The following LAMA1 variants were observed in gnomAD, a reference collection of about 807,000 sequenced individuals.
LAMA1 encodes laminin subunit alpha 1.
Under a neutral mutation model 348.7 loss-of-function variants are expected in LAMA1, and 219 were observed. That is an observed-to-expected ratio of 0.63 (90% confidence interval 0.56 to 0.70). The LOEUF (loss-of-function observed/expected upper bound fraction) is 0.70. Ranked by LOEUF, LAMA1 falls within the 30% of genes least tolerant of loss-of-function variation. The probability of loss-of-function intolerance (pLI) is 0.00; values close to 1 mark genes in which losing one functional copy is unlikely to be tolerated. For synonymous variants in LAMA1, 1,487 were observed against 1,491.0 expected (o/e 1.00, Z 0.06); for missense variants, 3,744 against 3,888.0 (o/e 0.96, Z 0.99).
intron 3 of LAMA1, among the ~76,000 whole-genome samples, chr18:7,063,273 C>G (rs1454202262): frequency 1.3e-5 from 2 of 152,138 alleles, no homozygotes; most frequent in Non-Finnish European, 1.5e-5. Flanking sequence ...TTAGACACAT[C>G]TAACTTCACT....
chr18:7,083,889 G>A lies in LAMA1; in HGVS notation c.62-3432C>T, dbSNP rs569037898. Among the ~76,000 whole-genome samples, 503 of 151,998 alleles carry A rather than the reference G, an allele frequency of 3.3e-3. 2 individuals carry two copies. The highest frequency in any genetic ancestry group is 4.0e-3 in the Non-Finnish European group (275 of 67,984). On this transcript the variant is annotated intron_variant, in intron 1 of 62. Transcript: ENST00000389658. ...AGTTCGAGACCAGCCTGGCCACCAT[G>A]GTAAAACTCCATCTCTACTAAAATT...
Position 7,038,906 on chromosome 18 carries a change from G to C in LAMA1, c.1467C>G (p.Phe489Leu). The change falls in exon 11 of 63, where the codon TTC (phenylalanine) becomes TTG (leucine). Residue 489 changes from phenylalanine to leucine, a missense_variant. By Grantham distance (22) the Phe-to-Leu change is conservative. Transcript: ENST00000389658. ...GKACDRCKPGFYNLKEKNPRG... is the reference protein window; with the variant it reads ...GKACDRCKPGLYNLKEKNPRG... ...GGGGGTTTTTTTCCTTCAAGTTATA[G>C]AATCCTGGCTTGCAGCGATCACAGG... 1 of 1,613,870 alleles carries C rather than the reference G, an allele frequency of 6.2e-7. No homozygotes were observed.
chr18:7,083,634 T>C (rs2058202444), intron 1 of LAMA1, among the ~76,000 whole-genome samples: 1 of 152,172 alleles, frequency 6.6e-6, no homozygotes. Context: ...TAAAACTAAA[T>C]CTTCCTTCTC....
At chr18:6,952,761 G>A (rs1405532785) in intron 57 of LAMA1, among the ~76,000 whole-genome samples, 1 of 151,914 alleles carries the variant, frequency 6.6e-6, no homozygotes, top group Non-Finnish European at 1.5e-5. Flanking sequence ...CACGCCATGG[G>A]AGCCATGTCT....
chr18:7,111,054 T>C (rs1343854294), intron 1 of LAMA1, among the ~76,000 whole-genome samples: 1 of 152,166 alleles, frequency 6.6e-6, no homozygotes, highest in African/African-American at 2.4e-5. Flanking sequence ...TGAGAAAAGA[T>C]GGCACTTTCC....
intron 16 of LAMA1, among the ~76,000 whole-genome samples, chr18:7,029,616 T>C (rs2057959403): frequency 6.6e-6 from 1 of 152,138 alleles, no homozygotes; most frequent in Admixed American, 6.6e-5. Context: ...TACCTGACTG[T>C]CCCTGTTGGT....
At chr18:7,092,191 T>C (rs2058242001) in intron 1 of LAMA1, among the ~76,000 whole-genome samples, 1 of 152,202 alleles carries the variant, frequency 6.6e-6, no homozygotes, top group African/African-American at 2.4e-5. Flanking sequence ...TATAAGCACA[T>C]ATACTTTGAA....
intron 3 of LAMA1, among the ~76,000 whole-genome samples, chr18:7,066,003 C>T (rs2058121441): frequency 6.6e-6 from 1 of 152,198 alleles, no homozygotes; most frequent in Non-Finnish European, 1.5e-5. Context: ...ACTAAGAAGT[C>T]TCTACCTTCA....
chr18:7,008,613 G>A lies in LAMA1; in HGVS notation c.4002-5C>T. 1 of 1,613,820 alleles carries A rather than the reference G, an allele frequency of 6.2e-7. No homozygotes were observed. ...TCCATTGAAATGTCTGAGATTCTGT[G>A]CAGCCATCATGTTAAGAGAGGAAAC... On this transcript the variant is annotated splice_region_variant and splice_polypyrimidine_tract_variant and intron_variant, in intron 27 of 62. Transcript: ENST00000389658.
intron 3 of LAMA1, among the ~76,000 whole-genome samples, chr18:7,066,874 A>G (rs377590188): frequency 1.5e-4 from 23 of 152,366 alleles, no homozygotes; most frequent in Middle Eastern, 3.4e-3. Flanking sequence ...CAAATAATCT[A>G]ATTTTTTGGA....
At chr18:7,033,449 C>G (rs1251716903) in intron 14 of LAMA1, among the ~76,000 whole-genome samples, 1 of 117,348 alleles carries the variant, frequency 8.5e-6, no homozygotes, top group Non-Finnish European at 1.7e-5. Flanking sequence ...GAGGGAGACT[C>G]TGTCTCAAAA....
intron 39 of LAMA1, 114 bp from the exon 40 acceptor site, chr18:6,983,348 T>C: frequency 2.9e-6 from 3 of 1,047,420 alleles, no homozygotes; most frequent in Non-Finnish European, 4.3e-6. Context: ...TTCTTTCCCC[T>C]TAGAAGAGTA....
At chr18:7,011,253 A>G (rs1224378790) in intron 25 of LAMA1, 47 bp downstream of exon 25, 8 of 1,589,216 alleles carry the variant, frequency 5.0e-6, no homozygotes, top group Non-Finnish European at 6.9e-6. Flanking sequence ...CAATTTCTGT[A>G]TATCCTAGGA....
intron 48 of LAMA1, among the ~76,000 whole-genome samples, chr18:6,968,469 C>A (rs1251324954): frequency 6.6e-6 from 1 of 152,212 alleles, no homozygotes; most frequent in Non-Finnish European, 1.5e-5. Context: ...TCCCCTACGC[C>A]ATGAGATGTC....
chr18:7,085,618 C>T (rs1430888708), intron 1 of LAMA1, among the ~76,000 whole-genome samples: 1 of 151,926 alleles, frequency 6.6e-6, no homozygotes, highest in Non-Finnish European at 1.5e-5. Context: ...TGGGGTTTCA[C>T]CACGTTAGCC....
At chr18:6,953,520 G>A (rs1275701532) in intron 57 of LAMA1, among the ~76,000 whole-genome samples, 1 of 152,182 alleles carries the variant, frequency 6.6e-6, no homozygotes, top group Non-Finnish European at 1.5e-5. Flanking sequence ...TGGGGGTCCT[G>A]AACGTATCCC....
At position 6,982,542 on chromosome 18, in the gene LAMA1, A is replaced by G; in HGVS notation, c.5845T>C (p.Ser1949Pro). Reference sequence around the variant, plus strand: ...TTGTTGCCTTCTTTTAGAAATCTGGAGCTGCGCTGCACGGCCGCTTTCCCG... The same window carrying G: ...TTGTTGCCTTCTTTTAGAAATCTGGGGCTGCGCTGCACGGCCGCTTTCCCG... ...SNGKAAVQRSSRFLKEGNNLS... is the reference protein window; with the variant it reads ...SNGKAAVQRSPRFLKEGNNLS... The change falls in exon 41 of 63, where the codon TCC (serine) becomes CCC (proline). Residue 1949 changes from serine (S) to proline (P), a missense_variant. Physicochemically the swap from Ser to Pro is moderately conservative, Grantham distance 74. Coordinates refer to ENST00000389658, the MANE Select transcript of LAMA1 (RefSeq NM_005559.4). 6.2e-7 allele frequency: 1 copy of G among 1,614,106 alleles called. No homozygotes were observed. Among genetic ancestry groups the G allele is most frequent in the South Asian group, 1.1e-5 (1 of 91,074 alleles).
At chr18:7,015,138 G>A (rs1286283388) in intron 22 of LAMA1, among the ~76,000 whole-genome samples, 11 of 152,050 alleles carry the variant, frequency 7.2e-5, no homozygotes, top group Admixed American at 5.9e-4. Flanking sequence ...GTGAGCCACC[G>A]CACCCAGCCA....
chr18:7,078,485 G>A (rs1310212033), intron 3 of LAMA1, among the ~76,000 whole-genome samples: 2 of 151,878 alleles, frequency 1.3e-5, no homozygotes, highest in Admixed American at 1.3e-4. Flanking sequence ...TTTTCTTTAA[G>A]GGGATTTGAA....
Sources: allele counts gnomAD v4.1 joint callset (sites outside exome capture counted in the v4.1 genomes callset), GRCh38; gene constraint gnomAD v4.1.1; transcripts MANE v1.5; gene names NCBI Gene and HGNC (gene_info 2026-07-23, HGNC 2026-07-21).